CAMSAP3: variants seen among roughly 807,000 people sequenced by gnomAD.
CAMSAP3 encodes the protein calmodulin regulated spectrin associated protein family member 3, also known as calmodulin-regulated spectrin-associated protein 3.
A neutral mutation model predicts 112.5 loss-of-function variants in CAMSAP3; 34 were observed. The observed-to-expected ratio is 0.30, with a 90% CI of 0.23 to 0.40. The LOEUF is 0.40. CAMSAP3 is among the 10% of genes least tolerant of loss of function. CAMSAP3 has a pLI of 1.00. For synonymous variants in CAMSAP3, 868 were observed against 799.8 expected, an observed-to-expected ratio of 1.09 and a Z score of -1.44; for missense variants, 1,602 against 1,770.3, an observed-to-expected ratio of 0.90 and a Z score of 1.71.
rs532503308 is a variant in CAMSAP3 at position 7,615,738 on chromosome 19, C to T, written c.3112+19C>T. 45 of 1,133,520 alleles carry T rather than the reference C, an allele frequency of 4.0e-5. No individual in the cohort carries two copies. Among genetic ancestry groups the T allele is most frequent in the East Asian group, 3.3e-4 (4 of 11,994 alleles). The allele number at this position is 1,133,520 out of a possible 1,614,324, so 70.2% of individuals were successfully genotyped here. A position where few individuals can be genotyped will look rare whatever the true frequency, so the allele number is the denominator to read the frequency against. On this transcript the variant is annotated intron_variant, in intron 13 of 16. Transcript: ENST00000160298. This position sits in a 1 kb window ranked among gnomAD's most constrained non-coding sequence, Gnocchi z 6.5. Reference sequence around the variant, plus strand: ...CTGCTGGGTGAGGACCCTTGGGGGACGGGGCCTGCCCAGTGCCCTTTCCGG... The same window carrying T: ...CTGCTGGGTGAGGACCCTTGGGGGATGGGGCCTGCCCAGTGCCCTTTCCGG...
rs751314591 is a variant in CAMSAP3, at chr19:7,610,983, T to C, written c.1049+52T>C. On this transcript the variant is annotated intron_variant, in intron 8 of 16. Coordinates refer to ENST00000160298, the MANE Select transcript of CAMSAP3 (RefSeq NM_020902.2). The surrounding 1 kb of genome is among the most constrained non-coding windows in gnomAD (Gnocchi z 4.9). Reference sequence around the variant, plus strand: ...CTGGCATTGTGGGTGTGGGGCTCCATGTCTGCCTTGCTGAGCACTGGGACG... The same window carrying C: ...CTGGCATTGTGGGTGTGGGGCTCCACGTCTGCCTTGCTGAGCACTGGGACG... The C allele has an allele frequency of 6.3e-6, 10 of 1,577,616 alleles. No individual in the cohort carries two copies. Among genetic ancestry groups the C allele is most frequent in the African/African-American group, 5.4e-5 (4 of 74,384 alleles).
rs1023918638 is a variant in CAMSAP3, at chr19:7,607,944, A to T, written c.622-182A>T. ...GCTGCTGGCCTGGCTGCTCGAAGAC[A>T]TCTCCTCTGCCTCTTGCTGCTGCCC... On this transcript the variant is annotated intron_variant, in intron 4 of 16. Coordinates refer to ENST00000160298, the MANE Select transcript of CAMSAP3 (RefSeq NM_020902.2). This position sits in a 1 kb window ranked among gnomAD's most constrained non-coding sequence, Gnocchi z 4.9. The T allele has an allele frequency of 4.7e-5, 40 of 845,978 alleles. No homozygotes were observed. Among genetic ancestry groups the T allele is most frequent in the Non-Finnish European group, 6.9e-5 (35 of 509,382 alleles). 52.4% of individuals were successfully genotyped at this position (845,978 alleles called of 1,614,324 possible).
intron 5 of CAMSAP3, among the ~76,000 whole-genome samples, chr19:7,609,890 G>A (rs1033223726): frequency 2.0e-5 from 3 of 152,154 alleles, no homozygotes; most frequent in Non-Finnish European, 2.9e-5. Context: ...TGACGGAAGC[G>A]GGGTTCGGGT....
rs1387365923 is a variant in CAMSAP3, at chr19:7,615,174, T to C, written c.2671-9T>C. The stretch of plus-strand genomic sequence containing the variant: ...GGGGTGGCTGGCTGGACTCGGCGTC[T>C]GTCCCCAGGATGAAGACAAGCCTGA... On this transcript the variant is annotated splice_polypyrimidine_tract_variant and intron_variant, in intron 11 of 16. Coordinates refer to ENST00000160298, the MANE Select transcript of CAMSAP3 (RefSeq NM_020902.2). The surrounding 1 kb of genome is among the most constrained non-coding windows in gnomAD (Gnocchi z 6.5). The C allele has an allele frequency of 6.4e-7, 1 of 1,554,364 alleles. No homozygotes were observed. The highest frequency in any genetic ancestry group is 8.7e-7 in the Non-Finnish European group (1 of 1,149,348).
In CAMSAP3 at chr19:7,610,669, C is replaced by T. The variant is rs1485171456; in HGVS notation, c.901-31C>T. ...GAGGCGGGCATCTGGGGCCAGGGGT[C>T]CCGTCTGCTGACCCGGCCTCCCACC... On this transcript the variant is annotated intron_variant, in intron 6 of 16. Transcript: ENST00000160298. The surrounding 1 kb of genome is among the most constrained non-coding windows in gnomAD (Gnocchi z 4.9). 6.2e-7 allele frequency: 1 copy of T among 1,613,850 alleles called. No individual in the cohort carries two copies. Among genetic ancestry groups the T allele is most frequent in the Non-Finnish European group, 8.5e-7 (1 of 1,179,964 alleles).
intron 4 of CAMSAP3, chr19:7,606,856 CTCTG>C (rs759859942): frequency 1.1e-5 from 17 of 1,596,998 alleles, no homozygotes; most frequent in Non-Finnish European, 1.5e-5. Flanking sequence ...CTGCTTGTAG[CTCTG>C]TCTGTCTGTA....
Position 7,615,802 on chromosome 19 carries a change from G to A in CAMSAP3, c.3112+83G>A, listed in dbSNP as rs2030753818. 1 of 1,086,308 alleles carries A rather than the reference G, an allele frequency of 9.2e-7. No individual in the cohort carries two copies. Among genetic ancestry groups the A allele is most frequent in the African/African-American group, 1.7e-5 (1 of 60,164 alleles). 67.3% of individuals were successfully genotyped at this position (1,086,308 alleles called of 1,614,324 possible). ...AGGCCCCCATGGGTAAGGGGGGAGG[G>A]GGAGGGAGATGTAAGCAGGGGTGCC... On this transcript the variant is annotated intron_variant, in intron 13 of 16. Coordinates refer to ENST00000160298, the MANE Select transcript of CAMSAP3 (RefSeq NM_020902.2). This position sits in a 1 kb window ranked among gnomAD's most constrained non-coding sequence, Gnocchi z 6.5.
chr19:7,617,106 G>A lies in CAMSAP3; in HGVS notation c.3213-220G>A, dbSNP rs142739557. ...TGGGGTTACCCGTGCCTGTAGAGAC[G>A]GTGTTTCACCATGTTGGCCAGGCTG... On this transcript the variant is annotated intron_variant, in intron 14 of 16. Transcript: ENST00000160298. The surrounding 1 kb of genome is among the most constrained non-coding windows in gnomAD (Gnocchi z 7.5). Among the ~76,000 whole-genome samples the A allele has an allele frequency of 4.7e-3, 717 of 151,920 alleles. 1 individual carries two copies. The highest frequency in any genetic ancestry group is 7.7e-3 in the Non-Finnish European group (526 of 67,932).
chr19:7,606,203 G>C, intron 2 of CAMSAP3, 68 bp from the exon 3 acceptor site: 1 of 1,279,906 alleles, frequency 7.8e-7, no homozygotes, highest in Non-Finnish European at 1.0e-6. Flanking sequence ...CCTTTTCCCA[G>C]GCCCTTGGGG....
chr19:7,617,383 G>C lies in CAMSAP3; in HGVS notation c.3270G>C (p.Arg1090=). 1 of 1,614,132 alleles carries C rather than the reference G, an allele frequency of 6.2e-7. No homozygotes were observed. Among genetic ancestry groups the C allele is most frequent in the Non-Finnish European group, 8.5e-7 (1 of 1,180,016 alleles). The change falls in exon 15 of 17, where the codon CGG becomes CGC. Residue 1090 remains arginine, a synonymous_variant. Coordinates refer to ENST00000160298, the MANE Select transcript of CAMSAP3 (RefSeq NM_020902.2). The surrounding 1 kb of genome is among the most constrained non-coding windows in gnomAD (Gnocchi z 7.5). ...GCCGCCTGCCTGGAAGCCGCGAACG[G>C]GACTGGGAAAATGGCAGCAATGCCT... ...SPSRLPGSRE[R]DWENGSNASS...
chr19:7,608,185 C>T lies in CAMSAP3; in HGVS notation c.681C>T (p.Thr227=), dbSNP rs1045420276. 10 of 1,612,622 alleles carry T rather than the reference C, an allele frequency of 6.2e-6. No homozygotes were observed. In the African/African-American group the frequency reaches 1.2e-4, roughly 19 times the overall value. The change falls in exon 5 of 17, where the codon ACC becomes ACT. Residue 227 remains threonine, a synonymous_variant. Transcript: ENST00000160298. ...ARRAPCFPTV[T]SLQDLASGAA... is the part of the protein sequence containing the mutation. ...GTGCCCCCTGCTTCCCGACGGTGAC[C>T]AGCCTCCAGGACCTGGCCAGTGGGG... is the stretch of plus-strand genomic sequence containing the variant.
At chr19:7,614,129 G>A (rs1332617024) in intron 11 of CAMSAP3, among the ~76,000 whole-genome samples, 6 of 151,220 alleles carry the variant, frequency 4.0e-5, no homozygotes, top group South Asian at 2.1e-4. Flanking sequence ...GCGTGGTGGC[G>A]GGCGCATGTA....
Position 7,612,143 on chromosome 19 carries a change from G to C in CAMSAP3, c.1650G>C (p.Ala550=). The change falls in exon 11 of 17, where the codon GCG becomes GCC. Residue 550 remains alanine (A), a synonymous_variant. Coordinates refer to ENST00000160298, the MANE Select transcript of CAMSAP3 (RefSeq NM_020902.2). ...CCCCATCCGAGGGGTCCCCGAAGGC[G>C]GTGGCTTCGTCCCCAGCAGCCACCA... The part of the protein sequence containing the change: ...PPAPSEGSPK[A]VASSPAATNS... The C allele has an allele frequency of 6.2e-7, 1 of 1,612,474 alleles. No homozygotes were observed. Among genetic ancestry groups the C allele is most frequent in the Non-Finnish European group, 8.5e-7 (1 of 1,179,788 alleles).
chr19:7,617,327 G>A lies in CAMSAP3; in HGVS notation c.3214G>A (p.Ala1072Thr), dbSNP rs1350384879. The A allele has an allele frequency of 6.2e-6, 10 of 1,611,840 alleles. No individual in the cohort carries two copies. Among genetic ancestry groups the A allele is most frequent in the Middle Eastern group, 1.6e-4 (1 of 6,076 alleles). ...NLGVKRPTSR[A>T]PSPSGLMSPS... ...CATCCCATCCTTCTCCCACTGCAGG[G>A]CTCCCTCCCCGTCAGGTCTCATGTC... Residue 1072 changes from alanine to threonine, a missense_variant and splice_region_variant, in exon 15 of 17, where the codon GCT becomes ACT. By Grantham distance (58) the Ala-to-Thr change is moderately conservative. Transcript: ENST00000160298. This position sits in a 1 kb window ranked among gnomAD's most constrained non-coding sequence, Gnocchi z 7.5.
rs2030703950 is a variant in CAMSAP3, at chr19:7,615,048, A to G, written c.2671-135A>G. ...GTGTGGGGCTGTGCATACAGTAGGC[A>G]CCAACTAAGTGCATTTAGAACAATG... On this transcript the variant is annotated intron_variant, in intron 11 of 16. Transcript: ENST00000160298. The surrounding 1 kb of genome is among the most constrained non-coding windows in gnomAD (Gnocchi z 6.5). The G allele has an allele frequency of 2.8e-6, 3 of 1,060,076 alleles. No individual in the cohort carries two copies. Among genetic ancestry groups the G allele is most frequent in the Non-Finnish European group, 4.2e-6 (3 of 711,726 alleles). 65.7% of individuals were successfully genotyped at this position (1,060,076 alleles called of 1,614,324 possible).
At position 7,610,647 on chromosome 19, in the gene CAMSAP3, G is replaced by A; in HGVS notation, c.900+32G>A. The A allele has an allele frequency of 6.2e-7, 1 of 1,613,802 alleles. No individual in the cohort carries two copies. On this transcript the variant is annotated intron_variant, in intron 6 of 16. Transcript: ENST00000160298. The surrounding 1 kb of genome is among the most constrained non-coding windows in gnomAD (Gnocchi z 4.9). ...CCATCCTGGGGCCTCCTGGGCCGAG[G>A]CGGGCATCTGGGGCCAGGGGTCCCG...
intron 1 of CAMSAP3, among the ~76,000 whole-genome samples, chr19:7,597,394 G>C (rs934106636): frequency 2.0e-5 from 3 of 152,220 alleles, no homozygotes; most frequent in African/African-American, 4.8e-5. Context: ...TCACTTCCAA[G>C]GTTACCAGGC....
chr19:7,609,534 C>A lies in CAMSAP3; in HGVS notation c.761-942C>A, dbSNP rs113676872. On this transcript the variant is annotated intron_variant, in intron 5 of 16. Coordinates refer to ENST00000160298, the MANE Select transcript of CAMSAP3 (RefSeq NM_020902.2). ...ATGCAAAGGCCTAAGGCAATAGTCA[C>A]CAACTTTTTGGCTCCAGGGACCGGT... Among the ~76,000 whole-genome samples the A allele has an allele frequency of 3.6e-4, 55 of 152,142 alleles. 3 individuals are homozygous for A. The highest frequency in any genetic ancestry group is 1.3e-3 in the African/African-American group (52 of 41,512).
At chr19:7,616,723 G>C (rs952613084) in intron 14 of CAMSAP3, 101 bp downstream of exon 14, 5 of 802,344 alleles carry the variant, frequency 6.2e-6, no homozygotes, top group Non-Finnish European at 1.0e-5. Flanking sequence ...GGTATGGCTC[G>C]AGTTTATGGA....
Sources: allele counts gnomAD v4.1 joint callset (sites outside exome capture counted in the v4.1 genomes callset), GRCh38; gene constraint gnomAD v4.1.1; non-coding constraint Gnocchi (gnomAD v3.1); transcripts MANE v1.5; gene names NCBI Gene and HGNC (gene_info 2026-07-23, HGNC 2026-07-21).